PATJ: variants seen among roughly 807,000 people sequenced by gnomAD.
PATJ encodes the protein inaD-like protein.
In PATJ, 190 loss-of-function variants were observed where a neutral mutation model predicts 224.9. The observed-to-expected ratio is 0.84, with a 90% CI of 0.75 to 0.95. The LOEUF (loss-of-function observed/expected upper bound fraction) is 0.95, where lower values mean the gene tolerates loss of function less well. Ranked by LOEUF, PATJ falls within the 40% of genes least tolerant of loss-of-function variation. The pLI is 0.00. For missense variants in PATJ, 2,121 were observed against 2,270.3 expected, an observed-to-expected ratio of 0.93 and a Z score of 1.34; for synonymous variants, 769 against 820.3, an observed-to-expected ratio of 0.94 and a Z score of 1.07.
chr1:62,031,732 G>A (rs989084951), intron 29 of PATJ, among the ~76,000 whole-genome samples: 29 of 152,142 alleles, frequency 1.9e-4, no homozygotes, highest in African/African-American at 6.8e-4. Context: ...TTGAACCTCA[G>A]CTCTGCTATT....
intron 21 of PATJ, among the ~76,000 whole-genome samples, chr1:61,879,681 G>A (rs1297502648): frequency 6.6e-6 from 1 of 151,524 alleles, no homozygotes; most frequent in Non-Finnish European, 1.5e-5. Context: ...CTAAGCAACA[G>A]TGCTTTTTGT....
intron 1 of PATJ, among the ~76,000 whole-genome samples, chr1:61,751,313 A>G (rs938830378): frequency 6.6e-6 from 1 of 152,046 alleles, no homozygotes; most frequent in African/African-American, 2.4e-5. Context: ...TGATATGACC[A>G]TAATTTCTGG....
At chr1:61,764,424 T>A (rs1199870362) in intron 3 of PATJ, among the ~76,000 whole-genome samples, 1 of 147,578 alleles carries the variant, frequency 6.8e-6, no homozygotes, top group Non-Finnish European at 1.5e-5. Flanking sequence ...TGTGGGATTT[T>A]TTTTTTTTTT....
intron 29 of PATJ, among the ~76,000 whole-genome samples, chr1:62,035,439 CT>C (rs1650193457): frequency 6.6e-6 from 1 of 152,088 alleles, no homozygotes. Context: ...ATTTAGGATT[CT>C]TAATAGTTAA....
intron 14 of PATJ, among the ~76,000 whole-genome samples, chr1:61,818,927 T>C (rs1476437759): frequency 6.6e-6 from 1 of 152,198 alleles, no homozygotes; most frequent in Non-Finnish European, 1.5e-5. Flanking sequence ...TTTTATCTTG[T>C]ATGAGGGCAT....
intron 1 of PATJ, among the ~76,000 whole-genome samples, chr1:61,749,014 T>C (rs1366805054): frequency 2.0e-5 from 3 of 151,894 alleles, no homozygotes; most frequent in Admixed American, 6.6e-5. Flanking sequence ...TGAGATGGAG[T>C]TGCCCAGGCT....
intron 29 of PATJ, among the ~76,000 whole-genome samples, chr1:62,037,428 C>A (rs1231085743): frequency 6.6e-6 from 1 of 152,064 alleles, no homozygotes; most frequent in Non-Finnish European, 1.5e-5. Flanking sequence ...TTCACCTACC[C>A]ACAAAGCATT....
At chr1:62,133,209 G>A (rs1666443455) in intron 41 of PATJ, among the ~76,000 whole-genome samples, 1 of 141,538 alleles carries the variant, frequency 7.1e-6, no homozygotes, top group Non-Finnish European at 1.5e-5. Flanking sequence ...TCTAGGGAGG[G>A]CAAGTGTTGA....
intron 30 of PATJ, among the ~76,000 whole-genome samples, 185 bp from the exon 31 acceptor site, chr1:62,050,781 G>A (rs1653457550): frequency 6.6e-6 from 1 of 152,198 alleles, no homozygotes; most frequent in Non-Finnish European, 1.5e-5. Context: ...AGCAGAGATA[G>A]ATACCTGAAA....
chr1:61,818,145 T>C (rs576292130), intron 14 of PATJ, among the ~76,000 whole-genome samples: 4 of 152,350 alleles, frequency 2.6e-5, no homozygotes, highest in Admixed American at 2.0e-4. Context: ...TGTTTCATGA[T>C]AGGTCTCGCC....
intron 41 of PATJ, among the ~76,000 whole-genome samples, chr1:62,132,819 G>A (rs1182938218): frequency 6.6e-6 from 1 of 152,072 alleles, no homozygotes; most frequent in African/African-American, 2.4e-5. Flanking sequence ...TGGGAGGATT[G>A]CTTGAGCCCG....
Position 61,801,754 on chromosome 1 carries a change from G to A in PATJ, c.1534G>A (p.Ala512Thr), listed in dbSNP as rs760597794. Reference protein sequence around the residue: ...IDTLKNDNIQALEKLEKVPDS... With the variant: ...IDTLKNDNIQTLEKLEKVPDS... ...TACTTTAAAAAATGACAACATACAA[G>A]CCTTAGAAAAATTGGGTAGGCACAA... Residue 512 changes from alanine to threonine, a missense_variant, in exon 12 of 44, where the codon GCC becomes ACC. By Grantham distance (58) the Ala-to-Thr change is moderately conservative (BLOSUM62 0). Transcript: ENST00000642238. The A allele has an allele frequency of 7.6e-6, 12 of 1,585,284 alleles. No homozygotes were observed. The highest frequency in any genetic ancestry group is 9.4e-6 in the Non-Finnish European group (11 of 1,166,154).
At chr1:61,989,978 A>C (rs897913800) in intron 27 of PATJ, among the ~76,000 whole-genome samples, 190 bp from the exon 28 acceptor site, 2 of 152,110 alleles carry the variant, frequency 1.3e-5, no homozygotes, top group African/African-American at 4.8e-5. Context: ...TGGAGGCTGT[A>C]GTGTGCTATA....
intron 1 of PATJ, among the ~76,000 whole-genome samples, chr1:61,744,892 T>A (rs1274822919): frequency 1.3e-5 from 2 of 152,198 alleles, no homozygotes; most frequent in East Asian, 3.8e-4. Context: ...TTGGTTAACT[T>A]GCTAGAGCAG....
intron 31 of PATJ, among the ~76,000 whole-genome samples, chr1:62,077,106 T>C (rs905775996): frequency 6.6e-6 from 1 of 152,248 alleles, no homozygotes. Flanking sequence ...TACCAACACA[T>C]CTGTATTCCA....
At position 62,086,306 on chromosome 1, in the gene PATJ, TTG is replaced by T. The variant is rs1326947958; in HGVS notation, c.4377+1670_4377+1671del. On this transcript the variant is annotated intron_variant, in intron 33 of 43. Transcript: ENST00000642238. The surrounding 1 kb of genome is among the most constrained non-coding windows in gnomAD (Gnocchi z 4.0). ...AAGTTAAATTGATACAAAAGGAAAATTGTGTGTGTGTGTATGTAATACCTGCA... is the reference window on the plus strand; with the variant it reads ...AAGTTAAATTGATACAAAAGGAAAATTGTGTGTGTGTATGTAATACCTGCA... Among the ~76,000 whole-genome samples, 4 of 150,660 alleles carry T rather than the reference TTG, an allele frequency of 2.7e-5. No individual in the cohort carries two copies. Among genetic ancestry groups the T allele is most frequent in the Non-Finnish European group, 5.9e-5 (4 of 67,810 alleles).
At chr1:61,863,027 G>GTTTTTTTTTTTTTTTT (rs35033086) in intron 19 of PATJ, among the ~76,000 whole-genome samples, 1 of 80,002 alleles carries the variant, frequency 1.2e-5, no homozygotes, top group Non-Finnish European at 2.5e-5. Flanking sequence ...ACTGTTTTCA[G>GTTTTTTTTTTTTTTTT]TTTTTTTTTT....
chr1:62,027,297 A>C (rs376102942), intron 29 of PATJ, among the ~76,000 whole-genome samples: 4 of 152,272 alleles, frequency 2.6e-5, no homozygotes, highest in African/African-American at 9.6e-5. Context: ...CATGTGCTAG[A>C]ATTTCTTTTT....
intron 6 of PATJ, among the ~76,000 whole-genome samples, chr1:61,773,769 G>GT: frequency 6.6e-6 from 1 of 151,360 alleles, no homozygotes; most frequent in Non-Finnish European, 1.5e-5. Flanking sequence ...GGGTGACAGA[G>GT]TGAGACTCTG....
Sources: allele counts gnomAD v4.1 joint callset (sites outside exome capture counted in the v4.1 genomes callset), GRCh38; gene constraint gnomAD v4.1.1; non-coding constraint Gnocchi (gnomAD v3.1); transcripts MANE v1.5; gene names NCBI Gene and HGNC (gene_info 2026-07-23, HGNC 2026-07-21).